The following SMIM17 variants were observed in gnomAD, a reference collection of about 807,000 sequenced individuals.
The protein encoded by SMIM17 is small integral membrane protein 17.
Under a neutral mutation model 12.2 loss-of-function variants are expected in SMIM17, and 10 were observed. The observed-to-expected ratio is 0.82, with a 90% CI of 0.50 to 1.39. SMIM17 has a LOEUF of 1.39. Among genes scored for constraint, SMIM17 ranks in the 40% most tolerant of loss-of-function variants. SMIM17 has a pLI of 0.00. For synonymous variants in SMIM17, 50 were observed against 44.1 expected (o/e 1.13, Z -0.53); for missense variants, 136 against 118.2 (o/e 1.15, Z -0.70).
chr19:56,647,696 T>C (rs1365684775), intron 3 of SMIM17, 62 bp downstream of exon 3: 25 of 1,387,454 alleles, frequency 1.8e-5, no homozygotes, highest in Non-Finnish European at 2.5e-5. Flanking sequence ...CAGCACTTTG[T>C]CACATTTGCA....
At chr19:56,653,373 A>G (rs1013778120) in intron 3 of SMIM17, among the ~76,000 whole-genome samples, 1 of 152,212 alleles carries the variant, frequency 6.6e-6, no homozygotes, top group Non-Finnish European at 1.5e-5. Flanking sequence ...CGTGCTGGAC[A>G]GTTTTCCATT....
chr19:56,653,143 T>G (rs1183371821), intron 3 of SMIM17, among the ~76,000 whole-genome samples: 31 of 152,230 alleles, frequency 2.0e-4, no homozygotes, highest in Admixed American at 2.0e-3. Context: ...AGTGCTGTCA[T>G]AATTCTAGAA....
intron 3 of SMIM17, among the ~76,000 whole-genome samples, chr19:56,648,051 TTCCATCCATCCATCCATCCATCCA>T (rs72265006): frequency 3.7e-5 from 5 of 134,142 alleles, no homozygotes; most frequent in Admixed American, 7.4e-5. Context: ...TGTATACCCA[TTCCATCCATCCATCCATCCATCCA>T]TCCATCCATC....
At chr19:56,650,386 A>T (rs1217942640) in intron 3 of SMIM17, among the ~76,000 whole-genome samples, 1 of 152,086 alleles carries the variant, frequency 6.6e-6, no homozygotes, top group Admixed American at 6.5e-5. Flanking sequence ...GTTGGCCAAG[A>T]TGGTCTTGAT....
intron 3 of SMIM17, among the ~76,000 whole-genome samples, chr19:56,651,279 G>C (rs1405887255): frequency 6.6e-6 from 1 of 152,150 alleles, no homozygotes; most frequent in Non-Finnish European, 1.5e-5. Context: ...ACGTGTAAAT[G>C]GCAGAGCTAG....
At chr19:56,649,778 T>TG (rs2045095483) in intron 3 of SMIM17, among the ~76,000 whole-genome samples, 1 of 151,490 alleles carries the variant, frequency 6.6e-6, no homozygotes, top group South Asian at 2.1e-4. Context: ...GGTGAGGTCA[T>TG]GGGGGCGATG....
In SMIM17 at chr19:56,657,160, T is replaced by C. The variant is rs759479365; in HGVS notation, c.*1947T>C. On this transcript the variant is annotated 3_prime_UTR_variant, in exon 4 of 4. Transcript: ENST00000598409. ...GGCATATAAGTGCAGCATTGTTATG[T>C]CCTTGTTAATTAAATAATATATGTA... 1.3e-5 allele frequency among the ~76,000 whole-genome samples: 2 copies of C among 152,226 alleles called. No homozygotes were observed. Among genetic ancestry groups the C allele is most frequent in the African/African-American group, 2.4e-5 (1 of 41,452 alleles).
intron 2 of SMIM17, among the ~76,000 whole-genome samples, chr19:56,646,538 C>G (rs2045064625): frequency 6.6e-6 from 1 of 152,118 alleles, no homozygotes; most frequent in Non-Finnish European, 1.5e-5. Context: ...GGACCCTCCC[C>G]CCACAGAAAG....
At position 56,655,596 on chromosome 19, in the gene SMIM17, C is replaced by T; in HGVS notation, c.*383C>T. On this transcript the variant is annotated 3_prime_UTR_variant, in exon 4 of 4. Coordinates refer to ENST00000598409, the MANE Select transcript of SMIM17 (RefSeq NM_001193628.2). The stretch of plus-strand genomic sequence containing the variant: ...ACTTTGCATTCTTAAGGTTTTGGTG[C>T]ACCAGTCTTTTCATACACTAGATTA... The T allele has an allele frequency of 4.4e-6, 1 of 229,674 alleles. No homozygotes were observed. The highest frequency in any genetic ancestry group is 8.4e-6 in the Non-Finnish European group (1 of 119,014). The allele number at this position is 229,674 out of a possible 1,614,324, so 14.2% of individuals were successfully genotyped here.
intron 3 of SMIM17, among the ~76,000 whole-genome samples, chr19:56,648,370 A>G (rs2045083156): frequency 1.1e-5 from 1 of 93,568 alleles, no homozygotes. Flanking sequence ...GCATCCATAT[A>G]CCCATTCCAT....
At chr19:56,647,453 A>AGAGAGAGAGAGAGAGAGAGAGGG (rs2045073429) in intron 2 of SMIM17, 105 bp from the exon 3 acceptor site, 1 of 615,372 alleles carries the variant, frequency 1.6e-6, no homozygotes, top group African/African-American at 2.4e-5. Flanking sequence ...GAGAGAGAGG[A>AGAGAGAGAGAGAGAGAGAGAGGG]GGCTATTACT....
intron 3 of SMIM17, among the ~76,000 whole-genome samples, chr19:56,654,743 G>A (rs1475565696): frequency 6.6e-6 from 1 of 152,138 alleles, no homozygotes; most frequent in Non-Finnish European, 1.5e-5. Flanking sequence ...ACTGGAGATG[G>A]CAAATAGGCA....
chr19:56,648,158 CCATCCAT>C (rs2045080905), intron 3 of SMIM17, among the ~76,000 whole-genome samples: 3 of 149,276 alleles, frequency 2.0e-5, no homozygotes, highest in African/African-American at 7.4e-5. Flanking sequence ...ATCCATCCAT[CCATCCAT>C]CCATCCATCC....
chr19:56,649,256 G>A (rs570281871), intron 3 of SMIM17, among the ~76,000 whole-genome samples: 1 of 152,346 alleles, frequency 6.6e-6, no homozygotes, highest in East Asian at 1.9e-4. Flanking sequence ...GTTAAGGGCA[G>A]AGCAGTGGGA....
At chr19:56,652,696 T>C (rs1381633083) in intron 3 of SMIM17, among the ~76,000 whole-genome samples, 1 of 150,716 alleles carries the variant, frequency 6.6e-6, no homozygotes. Flanking sequence ...AGAGTTATCC[T>C]CCTCTGAGTC....
chr19:56,647,073 T>C (rs2045068969), intron 2 of SMIM17, among the ~76,000 whole-genome samples: 1 of 152,140 alleles, frequency 6.6e-6, no homozygotes. Context: ...ACTAAGGTTC[T>C]GACTATGGGG....
At chr19:56,643,468 G>T (rs1423737845) in intron 1 of SMIM17, among the ~76,000 whole-genome samples, 1 of 152,160 alleles carries the variant, frequency 6.6e-6, no homozygotes, top group Non-Finnish European at 1.5e-5. Flanking sequence ...CCTGGCTTGG[G>T]GGTTGCAGGT....
rs776119903 is a variant in SMIM17 at position 56,655,259 on chromosome 19, A to G, written c.*46A>G. The G allele has an allele frequency of 1.4e-6, 1 of 690,476 alleles. No homozygotes were observed. The highest frequency in any genetic ancestry group is 2.7e-6 in the Non-Finnish European group (1 of 376,736). 42.8% of individuals were successfully genotyped at this position (690,476 alleles called of 1,614,324 possible). A position where few individuals can be genotyped will look rare whatever the true frequency, so the allele number is the denominator to read the frequency against. On this transcript the variant is annotated 3_prime_UTR_variant, in exon 4 of 4. Transcript: ENST00000598409. ...TTAAAAGTTTAATTTAATGAAATAG[A>G]TGCCCTATGTCATGTTAAGGAATTG...
chr19:56,652,601 G>C lies in SMIM17; in HGVS notation c.247-2502G>C, dbSNP rs138279639. ...CAGGAGGCACAGGTTGCAGTGAGCT[G>C]AGATTGCACCACTGCCCTCCAGCCT... On this transcript the variant is annotated intron_variant, in intron 3 of 3. Transcript: ENST00000598409. 9.2e-3 allele frequency among the ~76,000 whole-genome samples: 1,399 copies of C among 151,868 alleles called. 25 individuals carry two copies. The highest frequency in any genetic ancestry group is 0.032 in the African/African-American group (1,328 of 41,388).
Sources: allele counts gnomAD v4.1 joint callset (sites outside exome capture counted in the v4.1 genomes callset), GRCh38; gene constraint gnomAD v4.1.1; transcripts MANE v1.5; gene names NCBI Gene and HGNC (gene_info 2026-07-23, HGNC 2026-07-21).